CPZ: variants seen among roughly 807,000 people sequenced by gnomAD.
The protein encoded by CPZ is carboxypeptidase Z, also known as VEZT/CPZ fusion.
A neutral mutation model predicts 61.8 loss-of-function variants in CPZ; 103 were observed. The observed-to-expected ratio is 1.67, with a 90% CI of 1.42 to 1.96. CPZ has a LOEUF of 1.96. Ranked by LOEUF, CPZ falls within the 30% of genes most tolerant of loss-of-function variation. CPZ has a pLI of 0.00. For synonymous variants in CPZ, 551 were observed against 373.7 expected, an observed-to-expected ratio of 1.47 and a Z score of -5.47; for missense variants, 1,461 against 914.9, an observed-to-expected ratio of 1.60 and a Z score of -7.70.
At chr4:8,595,455 G>T (rs1241778451) in intron 1 of CPZ, among the ~76,000 whole-genome samples, 1 of 152,240 alleles carries the variant, frequency 6.6e-6, no homozygotes, top group Non-Finnish European at 1.5e-5. Flanking sequence ...GGTGCGGCCT[G>T]GGAGAGGCAG....
At chr4:8,613,700 G>A (rs889943185) in intron 8 of CPZ, among the ~76,000 whole-genome samples, 2 of 152,246 alleles carry the variant, frequency 1.3e-5, no homozygotes, top group African/African-American at 2.4e-5. Flanking sequence ...TCCAAGAGCA[G>A]ATGGCACAGA....
At chr4:8,618,808 G>C (rs1055373559) in intron 10 of CPZ, among the ~76,000 whole-genome samples, 6 of 152,168 alleles carry the variant, frequency 3.9e-5, no homozygotes, top group Non-Finnish European at 8.8e-5. Context: ...AACATTGCCG[G>C]GGAGAGCCAC....
chr4:8,610,092 A>T (rs777274624), intron 7 of CPZ, among the ~76,000 whole-genome samples: 2 of 152,206 alleles, frequency 1.3e-5, no homozygotes, highest in Non-Finnish European at 2.9e-5. Context: ...TGCTGTGGGA[A>T]TGAGCATAGC....
intron 1 of CPZ, among the ~76,000 whole-genome samples, chr4:8,596,965 C>T (rs1560288547): frequency 6.6e-6 from 1 of 152,222 alleles, no homozygotes; most frequent in Non-Finnish European, 1.5e-5. Context: ...CAGGTTCACC[C>T]AAGCTCGCCA....
chr4:8,605,150 G>A (rs1714843027), intron 4 of CPZ, among the ~76,000 whole-genome samples: 1 of 152,228 alleles, frequency 6.6e-6, no homozygotes, highest in Non-Finnish European at 1.5e-5. Context: ...GAACACGGGT[G>A]TTTCCTCTCA....
In CPZ at chr4:8,607,464, G is replaced by A. The variant is rs1250316695; in HGVS notation, c.1227+39G>A. The A allele has an allele frequency of 3.1e-6, 5 of 1,602,624 alleles. No homozygotes were observed. The South Asian group carries it at 4.5e-5, about 14-fold the overall frequency. On this transcript the variant is annotated intron_variant, in intron 7 of 10. Coordinates refer to ENST00000360986, the MANE Select transcript of CPZ (RefSeq NM_001014447.3). ...CGGGTGTGTGCAGGGGAGGGAGACA[G>A]TGTGCGCGGTCCCCTTGGAGCTGGT...
Position 8,618,531 on chromosome 4 carries a change from G to C in CPZ, c.1603+3G>C, listed in dbSNP as rs781046763. On this transcript the variant is annotated splice_donor_region_variant and intron_variant, in intron 10 of 10. Transcript: ENST00000360986. Reference sequence around the variant, plus strand: ...CATTCGCCACGACATCACCACAGGTGAGCACGTCCCTGGCTGTCCCCTGGG... The same window carrying C: ...CATTCGCCACGACATCACCACAGGTCAGCACGTCCCTGGCTGTCCCCTGGG... 3 of 1,612,940 alleles carry C rather than the reference G, an allele frequency of 1.9e-6. No homozygotes were observed. In the Admixed American group the frequency reaches 5.0e-5, roughly 27 times the overall value.
chr4:8,605,884 A>G, intron 4 of CPZ, 105 bp from the exon 5 acceptor site: 1 of 1,114,894 alleles, frequency 9.0e-7, no homozygotes, highest in Admixed American at 2.3e-5. Flanking sequence ...ACAAGTATGA[A>G]TTGGTCCCAG....
rs1172632831 is a variant in CPZ, at chr4:8,597,755, A to G, written c.89-1698A>G. Among the ~76,000 whole-genome samples the G allele has an allele frequency of 3.9e-5, 6 of 152,208 alleles. No individual in the cohort carries two copies. In the East Asian group the frequency reaches 9.6e-4, roughly 24 times the overall value. On this transcript the variant is annotated intron_variant, in intron 1 of 10. Coordinates refer to ENST00000360986, the MANE Select transcript of CPZ (RefSeq NM_001014447.3). ...TGAAACCATCGCAGGAATGATGCAC[A>G]CTGTGGCTGATGGAGCCTCTTCCCC...
chr4:8,610,038 T>G (rs1041104286), intron 7 of CPZ, among the ~76,000 whole-genome samples: 1 of 152,194 alleles, frequency 6.6e-6, no homozygotes, highest in Non-Finnish European at 1.5e-5. Flanking sequence ...ATCCTGCTCA[T>G]GCTGTGTCCT....
intron 4 of CPZ, among the ~76,000 whole-genome samples, chr4:8,604,397 CA>C (rs1714791544): frequency 1.3e-5 from 2 of 152,322 alleles, no homozygotes; most frequent in South Asian, 4.1e-4. Context: ...CATCTTACTT[CA>C]AAATGTAGGG....
At chr4:8,593,067 C>T (rs1424782264) in intron 1 of CPZ, 146 bp downstream of exon 1, 2 of 641,918 alleles carry the variant, frequency 3.1e-6, no homozygotes, top group African/African-American at 1.9e-5. Context: ...AAGTGGGCAG[C>T]ATGTGGCCTG....
intron 7 of CPZ, among the ~76,000 whole-genome samples, chr4:8,608,133 C>CTT (rs1192560364): frequency 1.4e-5 from 2 of 138,526 alleles, no homozygotes; most frequent in East Asian, 4.5e-4. Flanking sequence ...TGGGCCCCAG[C>CTT]CTCCAGCCCC....
chr4:8,601,474 A>G lies in CPZ; in HGVS notation c.473A>G (p.Tyr158Cys), dbSNP rs1231203661. 3.3e-6 allele frequency: 5 copies of G among 1,499,408 alleles called. No homozygotes were observed. In the Admixed American group the frequency reaches 8.0e-5, roughly 24 times the overall value. 92.9% of individuals were successfully genotyped at this position (1,499,408 alleles called of 1,614,324 possible). The change falls in exon 3 of 11, where the codon TAT becomes TGT. Residue 158 changes from tyrosine to cysteine, a missense_variant. Tyr to Cys is a radical substitution (Grantham distance 194, BLOSUM62 -2). Transcript: ENST00000360986. ...RYFTREDEGC[Y>C]DPLEKLRGGL... is the part of the protein sequence containing the mutation. ...TTCACGAGAGAGGACGAGGGCTGCTATGACCCGCTGGAGAAGCTTCGGGGT... is the reference window on the plus strand; with the variant it reads ...TTCACGAGAGAGGACGAGGGCTGCTGTGACCCGCTGGAGAAGCTTCGGGGT...
chr4:8,607,575 C>G (rs1001310873), intron 7 of CPZ, 150 bp downstream of exon 7: 3 of 873,102 alleles, frequency 3.4e-6, no homozygotes, highest in African/African-American at 3.4e-5. Context: ...CCAGGCCCAG[C>G]TCTGCAGGGA....
chr4:8,609,217 C>CACTCACTCCCTTACTCATTG (rs1553877680), intron 7 of CPZ, among the ~76,000 whole-genome samples: 1 of 138,162 alleles, frequency 7.2e-6, no homozygotes, highest in South Asian at 2.2e-4. Flanking sequence ...CTTACTCATT[C>CACTCACTCCCTTACTCATTG]ACTTACTCAC....
rs753818723 is a variant in CPZ at position 8,619,511 on chromosome 4, C to T, written c.1853C>T (p.Pro618Leu). The T allele has an allele frequency of 3.7e-5, 59 of 1,598,438 alleles. No individual in the cohort carries two copies. Among genetic ancestry groups the T allele is most frequent in the Admixed American group, 6.8e-5 (4 of 58,538 alleles). Residue 618 changes from proline to leucine, a missense_variant, in exon 11 of 11, where the codon CCG (proline) becomes CTG (leucine). Pro to Leu is a moderately conservative substitution (Grantham distance 98). Transcript: ENST00000360986. ...SSLGEATEPD[P>L]LRARRQPSAD... ...TTGGGGGAGGCCACGGAGCCCGACC[C>T]GCTCCGGGCGCGCAGGCAGCCCTCG... is the stretch of plus-strand genomic sequence containing the variant.
chr4:8,596,495 C>G (rs1018452335), intron 1 of CPZ, among the ~76,000 whole-genome samples: 3 of 152,252 alleles, frequency 2.0e-5, no homozygotes, highest in Non-Finnish European at 4.4e-5. Context: ...CTTGGGAAAC[C>G]CCGATGGGGC....
chr4:8,604,997 T>TA (rs2109322152), intron 4 of CPZ, among the ~76,000 whole-genome samples: 1 of 152,310 alleles, frequency 6.6e-6, no homozygotes, highest in East Asian at 1.9e-4. Context: ...TCTCCAACTG[T>TA]AACATGCTCT....
Sources: allele counts gnomAD v4.1 joint callset (sites outside exome capture counted in the v4.1 genomes callset), GRCh38; gene constraint gnomAD v4.1.1; transcripts MANE v1.5; gene names NCBI Gene and HGNC (gene_info 2026-07-23, HGNC 2026-07-21).